Variants in HEATR3 observed in about 807,000 individuals in gnomAD.
HEATR3 encodes the protein HEAT repeat containing 3, also known as HEAT repeat-containing protein 3.
A neutral mutation model predicts 72.8 loss-of-function variants in HEATR3; 56 were observed. That is an observed-to-expected ratio of 0.77 (90% CI 0.62 to 0.96). HEATR3 has a LOEUF of 0.96. Ranked by LOEUF, HEATR3 falls within the 40% of genes least tolerant of loss-of-function variation. HEATR3 has a pLI of 0.00. For missense variants in HEATR3, 747 were observed against 831.4 expected (o/e 0.90, Z 1.25); for synonymous variants, 331 against 318.1 (o/e 1.04, Z -0.43).
At chr16:50,103,395 CTCT>C (rs2037410611) in intron 14 of HEATR3, among the ~76,000 whole-genome samples, 1 of 152,168 alleles carries the variant, frequency 6.6e-6, no homozygotes, top group African/African-American at 2.4e-5. Context: ...TTATGTGAAA[CTCT>C]TTTTTTTGCT....
At chr16:50,075,737 A>G (rs769260388) in intron 6 of HEATR3, 26 bp downstream of exon 6, 5 of 1,593,562 alleles carry the variant, frequency 3.1e-6, no homozygotes, top group Admixed American at 3.4e-5. Flanking sequence ...ACGGCATAGT[A>G]TATTGTTTCA....
At chr16:50,077,278 G>A (rs2036756833) in intron 6 of HEATR3, among the ~76,000 whole-genome samples, 1 of 152,038 alleles carries the variant, frequency 6.6e-6, no homozygotes, top group Non-Finnish European at 1.5e-5. Context: ...TCCCTGTGCT[G>A]GGATTACAGG....
At chr16:50,066,585 C>A in intron 2 of HEATR3, 46 bp downstream of exon 2, 1 of 1,260,556 alleles carries the variant, frequency 7.9e-7, no homozygotes, top group Non-Finnish European at 1.0e-6. Flanking sequence ...TGGCCTCCCC[C>A]GCGTCTGGGC....
chr16:50,079,572 G>A (rs1387853327), intron 7 of HEATR3, among the ~76,000 whole-genome samples: 1 of 152,156 alleles, frequency 6.6e-6, no homozygotes, highest in East Asian at 1.9e-4. Flanking sequence ...CAGTAAAGGG[G>A]AACAATCTTG....
chr16:50,070,855 C>CATTA, intron 4 of HEATR3, among the ~76,000 whole-genome samples: 1 of 152,142 alleles, frequency 6.6e-6, no homozygotes, highest in African/African-American at 2.4e-5. Flanking sequence ...GAATCATGAC[C>CATTA]ATTAGCACCT....
chr16:50,068,209 C>T (rs376842983), intron 2 of HEATR3, among the ~76,000 whole-genome samples: 4 of 152,200 alleles, frequency 2.6e-5, no homozygotes, highest in East Asian at 1.9e-4. Flanking sequence ...GCTGTGTACT[C>T]GGAAGTCATG....
chr16:50,080,076 C>CA (rs2036832931), intron 7 of HEATR3: 1 of 152,514 alleles, frequency 6.6e-6, no homozygotes, highest in Non-Finnish European at 1.5e-5. Flanking sequence ...AGGGAGAGCA[C>CA]AGGGGCCTGG....
At chr16:50,097,466 T>C (rs28546559) in intron 12 of HEATR3, among the ~76,000 whole-genome samples, 4,270 of 151,880 alleles carry the variant, frequency 0.028, 207 homozygotes, top group African/African-American at 0.099. Flanking sequence ...TCCATTATAG[T>C]CATGCTTTTT....
In HEATR3 at chr16:50,079,000, C is replaced by T. The variant is rs201353207; in HGVS notation, c.1023C>T (p.Phe341=). 8.1e-6 allele frequency: 13 copies of T among 1,611,704 alleles called. No homozygotes were observed. Among genetic ancestry groups the T allele is most frequent in the East Asian group, 2.2e-5 (1 of 44,810 alleles). ...SHKRRVRRKT[F]VSDLLPPTDK... is the part of the protein sequence containing the mutation. Reference sequence around the variant, plus strand: ...AAAGAAGAGTCAGAAGGAAAACTTTCGTTTCAGATTTACTTCCGGTAAGTC... The same window carrying T: ...AAAGAAGAGTCAGAAGGAAAACTTTTGTTTCAGATTTACTTCCGGTAAGTC... The change falls in exon 7 of 15, where the codon TTC becomes TTT. Residue 341 remains phenylalanine, a synonymous_variant. Transcript: ENST00000299192.
Position 50,102,377 on chromosome 16 carries a change from C to G in HEATR3, c.1862C>G (p.Ser621Trp). The change falls in exon 14 of 15, where the codon TCG becomes TGG. Residue 621 changes from serine (S) to tryptophan (W), a missense_variant. Transcript: ENST00000299192. Reference protein sequence around the residue: ...FADGKEAERASIQIKLLSALK... With the variant: ...FADGKEAERAWIQIKLLSALK... Reference sequence around the variant, plus strand: ...GATGGTAAAGAAGCCGAAAGAGCCTCGATTCAAATTAAATTATTATCTGCT... The same window carrying G: ...GATGGTAAAGAAGCCGAAAGAGCCTGGATTCAAATTAAATTATTATCTGCT... 1.2e-6 allele frequency: 2 copies of G among 1,614,042 alleles called. No homozygotes were observed. Among genetic ancestry groups the G allele is most frequent in the Non-Finnish European group, 1.7e-6 (2 of 1,179,996 alleles).
intron 7 of HEATR3, among the ~76,000 whole-genome samples, chr16:50,081,822 C>T (rs532868412): frequency 6.6e-6 from 1 of 152,110 alleles, no homozygotes; most frequent in African/African-American, 2.4e-5. Flanking sequence ...GTACTCTCTG[C>T]CCAGCTTCTA....
At chr16:50,073,676 A>G (rs1020079555) in intron 5 of HEATR3, 13 of 152,222 alleles carry the variant, frequency 8.5e-5, no homozygotes, top group Non-Finnish European at 1.5e-4. Flanking sequence ...AGTTTTTGTT[A>G]CAATAAGAGA....
rs775043151 is a variant in HEATR3 at position 50,094,773 on chromosome 16, G to A, written c.1579G>A (p.Ala527Thr). The change falls in exon 12 of 15, where the codon GCC (alanine) becomes ACC (threonine). Residue 527 changes from alanine (A) to threonine (T), a missense_variant. This residue lies in a region of HEATR3 where 586 missense variants were observed against 708.8 expected (regional missense o/e 0.83). Transcript: ENST00000299192. ...SALRALLQTM[A>T]SKNISQCMTP... ...TTTGAGGGCCCTTTTGCAAACAATG[G>A]CCTCCAAGAACATTTCCCAGGTAAG... The A allele has an allele frequency of 1.9e-6, 3 of 1,595,608 alleles. No homozygotes were observed. In the South Asian group the frequency reaches 3.4e-5, roughly 18 times the overall value.
At chr16:50,072,735 G>T in intron 5 of HEATR3, 21 bp downstream of exon 5, 2 of 1,391,676 alleles carry the variant, frequency 1.4e-6, no homozygotes, top group South Asian at 2.3e-5. Context: ...AAAAGGTGAT[G>T]ACTTATTAAG....
Position 50,066,049 on chromosome 16 carries a change from G to T in HEATR3, c.-83G>T. 1 of 1,377,072 alleles carries T rather than the reference G, an allele frequency of 7.3e-7. No individual in the cohort carries two copies. Among genetic ancestry groups the T allele is most frequent in the South Asian group, 1.2e-5 (1 of 80,892 alleles). 85.3% of individuals were successfully genotyped at this position (1,377,072 alleles called of 1,614,324 possible). Reference sequence around the variant, plus strand: ...GCCGGCCCAGCTGAGCAGCAGCAACGGACCTTGTTAACGGCGCGGCAGCCT... The same window carrying T: ...GCCGGCCCAGCTGAGCAGCAGCAACTGACCTTGTTAACGGCGCGGCAGCCT... On this transcript the variant is annotated 5_prime_UTR_variant, in exon 1 of 15. Coordinates refer to ENST00000299192, the MANE Select transcript of HEATR3 (RefSeq NM_182922.4).
Position 50,102,428 on chromosome 16 carries a change from A to G in HEATR3, c.1913A>G (p.Lys638Arg), listed in dbSNP as rs1369418480. ...CTGAAAGAATTCCAGCCGGTCTTTAAAATGAAGGTTTGTAGCCATTTAACT... is the reference window on the plus strand; with the variant it reads ...CTGAAAGAATTCCAGCCGGTCTTTAGAATGAAGGTTTGTAGCCATTTAACT... ...SALKEFQPVFKMKIRKEGRGN... is the reference protein window; with the variant it reads ...SALKEFQPVFRMKIRKEGRGN... The change falls in exon 14 of 15, where the codon AAA becomes AGA. Residue 638 changes from lysine to arginine, a missense_variant. Physicochemically the swap from Lys to Arg is conservative, Grantham distance 26. This residue lies in a region of HEATR3 where 586 missense variants were observed against 708.8 expected (regional missense o/e 0.83). Coordinates refer to ENST00000299192, the MANE Select transcript of HEATR3 (RefSeq NM_182922.4). 4 of 1,613,584 alleles carry G rather than the reference A, an allele frequency of 2.5e-6. No individual in the cohort carries two copies. The highest frequency in any genetic ancestry group is 3.4e-6 in the Non-Finnish European group (4 of 1,179,898).
Position 50,066,499 on chromosome 16 carries a change from C to T in HEATR3, c.271C>T (p.Pro91Ser). The T allele has an allele frequency of 1.5e-6, 2 of 1,324,770 alleles. No homozygotes were observed. The highest frequency in any genetic ancestry group is 2.1e-5 in the South Asian group (1 of 47,744). 82.1% of individuals were successfully genotyped at this position (1,324,770 alleles called of 1,614,324 possible). A position where few individuals can be genotyped will look rare whatever the true frequency, so the allele number is the denominator to read the frequency against. The change falls in exon 2 of 15, where the codon CCC becomes TCC. Residue 91 changes from proline to serine, a missense_variant. Pro to Ser is a moderately conservative substitution (Grantham distance 74). Transcript: ENST00000299192. ...CCGCCTCGGGCCGCTGCTGCTAGAC[C>T]CCAGCCTGGCCGTCAGGGAGACTGC... ...VRRLGPLLLD[P>S]SLAVRETAAG... is the part of the protein sequence containing the mutation.
intron 11 of HEATR3, among the ~76,000 whole-genome samples, chr16:50,086,822 G>A (rs1306428663): frequency 6.6e-6 from 1 of 151,996 alleles, no homozygotes; most frequent in Non-Finnish European, 1.5e-5. Context: ...CCAGCTACTC[G>A]GGAGGCTGAG....
chr16:50,084,767 T>C (rs1182653478), intron 10 of HEATR3, 116 bp downstream of exon 10: 1 of 680,088 alleles, frequency 1.5e-6, no homozygotes, highest in Non-Finnish European at 2.5e-6. Context: ...TTCCTGGGTA[T>C]ATATACCAGA....
Sources: allele counts gnomAD v4.1 joint callset (sites outside exome capture counted in the v4.1 genomes callset), GRCh38; gene constraint gnomAD v4.1.1; regional missense constraint gnomAD v4.1.1; transcripts MANE v1.5; gene names NCBI Gene and HGNC (gene_info 2026-07-23, HGNC 2026-07-21).